The following STIMATE variants were observed in gnomAD, a reference collection of about 807,000 sequenced individuals.
STIMATE encodes STIM activating enhancer, also known as store-operated calcium entry regulator STIMATE.
Under a neutral mutation model 36.7 loss-of-function variants are expected in STIMATE, and 15 were observed. That is an observed-to-expected ratio of 0.41 (90% CI 0.27 to 0.63). The LOEUF is 0.63. Among genes scored for constraint, STIMATE ranks in the 20% least tolerant of loss-of-function variants. The pLI is 0.32. For missense variants in STIMATE, 305 were observed against 397.3 expected (o/e 0.77, Z 1.98); for synonymous variants, 163 against 162.3 (o/e 1.00, Z -0.03).
At chr3:52,864,511 A>G (rs1426271758) in intron 1 of STIMATE, among the ~76,000 whole-genome samples, 1 of 152,114 alleles carries the variant, frequency 6.6e-6, no homozygotes, top group Non-Finnish European at 1.5e-5. Flanking sequence ...CCCTGGAGAC[A>G]TTTTCCCCAT....
intron 1 of STIMATE, among the ~76,000 whole-genome samples, chr3:52,893,207 T>C (rs1179536932): frequency 1.3e-5 from 2 of 152,200 alleles, no homozygotes; most frequent in African/African-American, 4.8e-5. Context: ...AATGTGACTA[T>C]GGACTGGATA....
chr3:52,859,373 TAAC>T (rs1033497378), intron 1 of STIMATE, among the ~76,000 whole-genome samples: 1 of 148,640 alleles, frequency 6.7e-6, no homozygotes, highest in Non-Finnish European at 1.5e-5. Flanking sequence ...AAGTGACTAT[TAAC>T]AAAGGCTATG....
At chr3:52,876,546 A>G (rs1701505746) in intron 1 of STIMATE, among the ~76,000 whole-genome samples, 1 of 152,242 alleles carries the variant, frequency 6.6e-6, no homozygotes, top group Non-Finnish European at 1.5e-5. Flanking sequence ...CGACACGGCA[A>G]GACCAACCCT....
chr3:52,865,390 T>C (rs1185063746), intron 1 of STIMATE, among the ~76,000 whole-genome samples: 3 of 152,238 alleles, frequency 2.0e-5, no homozygotes, highest in African/African-American at 7.2e-5. Flanking sequence ...TGCCCCACTC[T>C]ACTGGTACCA....
At position 52,897,519 on chromosome 3, in the gene STIMATE, C is replaced by A. The variant is rs906117939; in HGVS notation, c.-69G>T. The A allele has an allele frequency of 1.3e-5, 16 of 1,186,364 alleles. No individual in the cohort carries two copies. Among genetic ancestry groups the A allele is most frequent in the Middle Eastern group, 3.3e-4 (1 of 2,990 alleles). 73.5% of individuals were successfully genotyped at this position (1,186,364 alleles called of 1,614,324 possible). On this transcript the variant is annotated 5_prime_UTR_variant, in exon 1 of 8. Coordinates refer to ENST00000355083, the MANE Select transcript of STIMATE (RefSeq NM_198563.5). Reference sequence around the variant, plus strand: ...GCCTCGCTGCCTGCCGGCGCAGCGCCGCCAAACCCGCAGCCGGGATCCCAA... The same window carrying A: ...GCCTCGCTGCCTGCCGGCGCAGCGCAGCCAAACCCGCAGCCGGGATCCCAA...
chr3:52,844,426 C>T (rs111492855), intron 5 of STIMATE, among the ~76,000 whole-genome samples: 45 of 152,274 alleles, frequency 3.0e-4, no homozygotes, highest in African/African-American at 8.9e-4. Context: ...GCCAGGGCAT[C>T]GGCACACTGA....
chr3:52,856,783 A>G (rs1263538628), intron 1 of STIMATE, among the ~76,000 whole-genome samples: 1 of 152,228 alleles, frequency 6.6e-6, no homozygotes, highest in African/African-American at 2.4e-5. Context: ...CTTGGATAGC[A>G]AAGAACTTGC....
At chr3:52,882,725 C>T (rs1701627420) in intron 1 of STIMATE, among the ~76,000 whole-genome samples, 1 of 152,166 alleles carries the variant, frequency 6.6e-6, no homozygotes, top group Non-Finnish European at 1.5e-5. Flanking sequence ...TTTGGTTTCT[C>T]ATTCCCCCAA....
At chr3:52,861,487 T>C (rs1701214196) in intron 1 of STIMATE, among the ~76,000 whole-genome samples, 1 of 152,218 alleles carries the variant, frequency 6.6e-6, no homozygotes, top group Non-Finnish European at 1.5e-5. Flanking sequence ...CAGACAGATG[T>C]GGCTTTGAAT....
intron 1 of STIMATE, among the ~76,000 whole-genome samples, chr3:52,866,435 A>G (rs1324927750): frequency 6.6e-6 from 1 of 152,188 alleles, no homozygotes; most frequent in African/African-American, 2.4e-5. Flanking sequence ...CCTCTCGGAC[A>G]TGAGCCCAGA....
At chr3:52,860,219 T>G (rs1701194865) in intron 1 of STIMATE, among the ~76,000 whole-genome samples, 1 of 151,248 alleles carries the variant, frequency 6.6e-6, no homozygotes, top group African/African-American at 2.4e-5. Context: ...GGAGATGAAA[T>G]GCACAAAACC....
chr3:52,872,090 C>T (rs567347473), intron 1 of STIMATE, among the ~76,000 whole-genome samples: 1 of 152,286 alleles, frequency 6.6e-6, no homozygotes, highest in South Asian at 2.1e-4. Flanking sequence ...CTCTGACTGC[C>T]TCAACCACGG....
chr3:52,848,222 G>A (rs1331436096), intron 4 of STIMATE: 1 of 152,376 alleles, frequency 6.6e-6, no homozygotes, highest in Admixed American at 6.5e-5. Flanking sequence ...GAAGACTCAG[G>A]ATGGTCCCCA....
chr3:52,843,050 G>A lies in STIMATE; in HGVS notation c.619-90C>T, dbSNP rs553758243. 191 of 1,571,892 alleles carry A rather than the reference G, an allele frequency of 1.2e-4. No individual in the cohort carries two copies. In the African/African-American group the frequency reaches 1.6e-3, roughly 14 times the overall value. ...CCCCATCCGCCCACTCCCATTCCAG[G>A]TTATAAGATCCAGAGCTATGGAAAG... On this transcript the variant is annotated intron_variant, in intron 6 of 7. Coordinates refer to ENST00000355083, the MANE Select transcript of STIMATE (RefSeq NM_198563.5).
intron 2 of STIMATE, among the ~76,000 whole-genome samples, chr3:52,853,735 GA>G (rs1464059733): frequency 1.1e-4 from 16 of 152,300 alleles, no homozygotes; most frequent in African/African-American, 3.4e-4. Flanking sequence ...TCAACGGGGG[GA>G]AAATAAAAAG....
intron 1 of STIMATE, among the ~76,000 whole-genome samples, chr3:52,892,125 A>T (rs1157345282): frequency 6.6e-6 from 1 of 152,214 alleles, no homozygotes; most frequent in Non-Finnish European, 1.5e-5. Flanking sequence ...GTTTGTGCAA[A>T]TATACTAACT....
At chr3:52,871,761 A>G (rs1339419459) in intron 1 of STIMATE, among the ~76,000 whole-genome samples, 1 of 152,212 alleles carries the variant, frequency 6.6e-6, no homozygotes, top group East Asian at 1.9e-4. Flanking sequence ...AAATCTGTCA[A>G]AAGTCCAACT....
intron 1 of STIMATE, among the ~76,000 whole-genome samples, chr3:52,887,514 C>T (rs548883297): frequency 9.0e-4 from 137 of 151,760 alleles, no homozygotes; most frequent in Admixed American, 9.8e-4. Flanking sequence ...AAGGATGCTG[C>T]CTTAGACCTA....
rs762718762 is a variant in STIMATE, at chr3:52,844,892, G to C, written c.477C>G (p.Ile159Met). The change falls in exon 5 of 8, where the codon ATC (isoleucine) becomes ATG (methionine). Residue 159 changes from isoleucine to methionine, a missense_variant. Ile to Met is a conservative substitution (Grantham distance 10). Transcript: ENST00000355083. ...GAWVGQCALY[I>M]VIMIFEKSVV... is the part of the protein sequence containing the mutation. Reference sequence around the variant, plus strand: ...CAGACTTTTCAAAAATCATGATCACGATGTAAAGAGCGCACTGCCCGACCC... The same window carrying C: ...CAGACTTTTCAAAAATCATGATCACCATGTAAAGAGCGCACTGCCCGACCC... The C allele has an allele frequency of 9.9e-6, 16 of 1,614,082 alleles. No individual in the cohort carries two copies. Among genetic ancestry groups the C allele is most frequent in the East Asian group, 4.5e-5 (2 of 44,872 alleles).
Sources: gnomAD v4.1 joint callset for allele counts (sites outside exome capture counted in the v4.1 genomes callset) on GRCh38, gnomAD v4.1.1 for gene constraint, MANE v1.5 for transcripts, NCBI Gene and HGNC (gene_info 2026-07-23, HGNC 2026-07-21) for gene names.